Variants in ACYP2 observed in about 807,000 individuals in gnomAD.
The protein encoded by ACYP2 is acylphosphatase 2.
Under a neutral mutation model 11.2 loss-of-function variants are expected in ACYP2, and 12 were observed. That is an observed-to-expected ratio of 1.08 (90% confidence interval 0.69 to 1.74). The LOEUF (loss-of-function observed/expected upper bound fraction) is 1.74, where lower values mean the gene tolerates loss of function less well. ACYP2 is among the 40% of genes most tolerant of loss of function. The probability of loss-of-function intolerance (pLI) is 0.00; values close to 1 mark genes in which losing one functional copy is unlikely to be tolerated. For synonymous variants in ACYP2, 43 were observed against 32.2 expected (o/e 1.33, Z -1.13); for missense variants, 134 against 101.9 (o/e 1.31, Z -1.35).
At chr2:54,082,254 T>C (rs28712015) in intron 4 of ACYP2, among the ~76,000 whole-genome samples, 2 of 115,494 alleles carry the variant, frequency 1.7e-5, no homozygotes, top group Non-Finnish European at 3.8e-5. Context: ...TTTTTTTTTC[T>C]TTTTTTTTTG....
intron 2 of ACYP2, among the ~76,000 whole-genome samples, chr2:53,999,987 A>G (rs992604677): frequency 6.6e-6 from 1 of 152,114 alleles, no homozygotes; most frequent in Non-Finnish European, 1.5e-5. Context: ...ACCCAATCTT[A>G]ATTAGAGGGG....
At chr2:54,031,422 A>G (rs1034928929) in intron 2 of ACYP2, among the ~76,000 whole-genome samples, 5 of 152,054 alleles carry the variant, frequency 3.3e-5, no homozygotes, top group Admixed American at 2.0e-4. Context: ...GATGGTTTCC[A>G]GCTTCATCCA....
intron 6 of ACYP2, among the ~76,000 whole-genome samples, chr2:54,250,830 T>G (rs1224728088): frequency 6.6e-6 from 1 of 152,242 alleles, no homozygotes; most frequent in East Asian, 1.9e-4. Flanking sequence ...AAGTTTTTGT[T>G]GGTACTAATA....
intron 6 of ACYP2, among the ~76,000 whole-genome samples, chr2:54,295,383 G>C (rs532765008): frequency 1.3e-5 from 2 of 152,280 alleles, no homozygotes; most frequent in South Asian, 4.1e-4. Context: ...TATTTTCTGA[G>C]TTTCTGTAAT....
intron 6 of ACYP2, among the ~76,000 whole-genome samples, chr2:54,211,248 G>C (rs940928148): frequency 6.6e-6 from 1 of 152,094 alleles, no homozygotes; most frequent in African/African-American, 2.4e-5. Context: ...TTTTGTTTTA[G>C]AAATACTGTT....
intron 2 of ACYP2, among the ~76,000 whole-genome samples, chr2:53,976,588 G>A (rs1213295961): frequency 6.6e-6 from 1 of 152,110 alleles, no homozygotes; most frequent in African/African-American, 2.4e-5. Context: ...CTGAATTGCA[G>A]TTATTAGAGG....
At chr2:54,254,726 C>T (rs551035678) in intron 6 of ACYP2, 18 of 581,632 alleles carry the variant, frequency 3.1e-5, no homozygotes, top group African/African-American at 1.7e-4. Context: ...AATAGCAAGA[C>T]GACCAGGTGA....
chr2:54,275,322 C>G (rs1264942875), intron 6 of ACYP2, among the ~76,000 whole-genome samples: 5 of 152,190 alleles, frequency 3.3e-5, no homozygotes, highest in Admixed American at 2.0e-4. Context: ...CTATTTAGGT[C>G]TCGTTATCTG....
At chr2:54,064,853 A>T (rs1377293424) in intron 4 of ACYP2, among the ~76,000 whole-genome samples, 1 of 152,172 alleles carries the variant, frequency 6.6e-6, no homozygotes, top group Non-Finnish European at 1.5e-5. Flanking sequence ...TGGGAGGCCG[A>T]AGCGGGCGGA....
chr2:54,210,728 A>AAT (rs1049730161), intron 6 of ACYP2, among the ~76,000 whole-genome samples: 2 of 132,400 alleles, frequency 1.5e-5, no homozygotes, highest in African/African-American at 3.3e-5. Flanking sequence ...AGGCTCATTA[A>AAT]GTCTTTTTTT....
intron 2 of ACYP2, among the ~76,000 whole-genome samples, chr2:54,022,686 T>G (rs1055418346): frequency 6.6e-6 from 1 of 152,148 alleles, no homozygotes; most frequent in Non-Finnish European, 1.5e-5. Context: ...CAGGCCCATA[T>G]TTAAAATTTA....
At chr2:54,234,832 A>C (rs1686400691) in intron 6 of ACYP2, among the ~76,000 whole-genome samples, 1 of 152,196 alleles carries the variant, frequency 6.6e-6, no homozygotes, top group Non-Finnish European at 1.5e-5. Context: ...GTAAAGCATC[A>C]GGGTTTAGCC....
chr2:54,280,262 T>A (rs541299116), intron 6 of ACYP2, among the ~76,000 whole-genome samples: 1 of 152,070 alleles, frequency 6.6e-6, no homozygotes, highest in Non-Finnish European at 1.5e-5. Context: ...CAAGAGGACA[T>A]CATGGTTGAT....
At position 54,041,156 on chromosome 2, in the gene ACYP2, A is replaced by G. The variant is rs919549511; in HGVS notation, c.63-9802A>G. Among the ~76,000 whole-genome samples the G allele has an allele frequency of 2.0e-5, 3 of 150,416 alleles. No individual in the cohort carries two copies. The East Asian group carries it at 5.9e-4, about 29-fold the overall frequency. On this transcript the variant is annotated intron_variant, in intron 2 of 6. Coordinates refer to ENST00000607452, the MANE Select transcript of ACYP2 (RefSeq NM_001320586.2). Reference sequence around the variant, plus strand: ...GAGACAGGGTTTCACCATGTTGCCCAGGCTGGTGTTGAACTCCTGGCATCA... The same window carrying G: ...GAGACAGGGTTTCACCATGTTGCCCGGGCTGGTGTTGAACTCCTGGCATCA...
chr2:54,278,887 G>A (rs1377794281), intron 6 of ACYP2, among the ~76,000 whole-genome samples: 1 of 152,200 alleles, frequency 6.6e-6, no homozygotes, highest in Non-Finnish European at 1.5e-5. Flanking sequence ...AGCATGTGCT[G>A]AGGTTGTGTT....
chr2:54,019,094 C>A (rs1673854391), intron 2 of ACYP2, among the ~76,000 whole-genome samples: 1 of 150,158 alleles, frequency 6.7e-6, no homozygotes, highest in African/African-American at 2.5e-5. Context: ...GGCAACAAGG[C>A]CTTGCTCTGT....
intron 6 of ACYP2, among the ~76,000 whole-genome samples, chr2:54,189,586 G>T (rs1684150971): frequency 8.2e-6 from 1 of 121,922 alleles, no homozygotes; most frequent in Non-Finnish European, 1.9e-5. Flanking sequence ...ATGTATATCT[G>T]TGTTTTTTTT....
intron 4 of ACYP2, among the ~76,000 whole-genome samples, chr2:54,074,559 T>C (rs1677224882): frequency 6.6e-6 from 1 of 151,020 alleles, no homozygotes; most frequent in South Asian, 2.1e-4. Flanking sequence ...ATGTTAATTA[T>C]ATATAAATAG....
intron 4 of ACYP2, among the ~76,000 whole-genome samples, chr2:54,134,869 A>C (rs1247001364): frequency 6.6e-6 from 1 of 152,218 alleles, no homozygotes; most frequent in Non-Finnish European, 1.5e-5. Flanking sequence ...TAACTTTTAC[A>C]ATTTGAGGTA....
Sources: gnomAD v4.1 joint callset for allele counts (sites outside exome capture counted in the v4.1 genomes callset) on GRCh38, gnomAD v4.1.1 for gene constraint, MANE v1.5 for transcripts, NCBI Gene and HGNC (gene_info 2026-07-23, HGNC 2026-07-21) for gene names.